Variants in KPNA6 observed in about 807,000 individuals in gnomAD.
The protein encoded by KPNA6 is importin subunit alpha-7.
A neutral mutation model predicts 72.0 loss-of-function variants in KPNA6; 9 were observed. The observed-to-expected ratio is 0.13, with a 90% CI of 0.08 to 0.22. KPNA6 has a LOEUF of 0.22. KPNA6 is among the 10% of genes least tolerant of loss of function. The pLI is 1.00. For missense variants in KPNA6, 374 were observed against 655.7 expected, an observed-to-expected ratio of 0.57 and a Z score of 4.69; for synonymous variants, 219 against 242.1, an observed-to-expected ratio of 0.90 and a Z score of 0.89.
Position 32,138,050 on chromosome 1 carries a change from G to A in KPNA6, c.5-16538G>A, listed in dbSNP as rs567779173. 3.3e-5 allele frequency among the ~76,000 whole-genome samples: 5 copies of A among 150,316 alleles called. No homozygotes were observed. In the South Asian group the frequency reaches 6.3e-4, roughly 19 times the overall value. On this transcript the variant is annotated intron_variant, in intron 1 of 13. Coordinates refer to ENST00000373625, the MANE Select transcript of KPNA6 (RefSeq NM_012316.5). ...CTTGGGAGGCTGAGGTAAGAGAATC[G>A]CATCAACCCGGGAGGCAGAGGTTGC... is the stretch of plus-strand genomic sequence containing the variant.
chr1:32,119,032 A>ATATATATATT (rs1167325052), intron 1 of KPNA6, among the ~76,000 whole-genome samples: 52 of 40,278 alleles, frequency 1.3e-3, no homozygotes, highest in Admixed American at 2.7e-3. Context: ...ATATATATAT[A>ATATATATATT]TTTTTTTTTT....
At chr1:32,130,930 C>A (rs1641625353) in intron 1 of KPNA6, among the ~76,000 whole-genome samples, 1 of 152,162 alleles carries the variant, frequency 6.6e-6, no homozygotes, top group African/African-American at 2.4e-5. Flanking sequence ...TGCCTCACAT[C>A]ATACACAAAA....
chr1:32,170,318 T>G (rs1642413165), intron 13 of KPNA6, among the ~76,000 whole-genome samples: 1 of 152,186 alleles, frequency 6.6e-6, no homozygotes, highest in African/African-American at 2.4e-5. Flanking sequence ...TTGGCTCATC[T>G]TTTGAGTTGA....
rs993455809 is a variant in KPNA6 at position 32,171,229 on chromosome 1, T to A, written c.*335T>A. ...AAGGTAATCAATTTGCACCTTTTTT[T>A]ATTTTTATTTTTTTTCTTTTTTTCT... On this transcript the variant is annotated 3_prime_UTR_variant, in exon 14 of 14. Coordinates refer to ENST00000373625, the MANE Select transcript of KPNA6 (RefSeq NM_012316.5). 8.8e-6 allele frequency: 2 copies of A among 228,342 alleles called. No individual in the cohort carries two copies. The highest frequency in any genetic ancestry group is 1.7e-5 in the Non-Finnish European group (2 of 116,240). The allele number at this position is 228,342 out of a possible 1,614,324, so 14.1% of individuals were successfully genotyped here.
chr1:32,118,992 G>GTATA (rs1641374977), intron 1 of KPNA6, among the ~76,000 whole-genome samples: 2 of 83,234 alleles, frequency 2.4e-5, no homozygotes, highest in African/African-American at 4.9e-5. Context: ...GTGTGTGTGT[G>GTATA]TATACATATA....
At chr1:32,140,839 T>A (rs77440453) in intron 1 of KPNA6, among the ~76,000 whole-genome samples, 1 of 152,212 alleles carries the variant, frequency 6.6e-6, no homozygotes, top group South Asian at 2.1e-4. Flanking sequence ...AAATAACTAA[T>A]AGGTAGACCA....
At position 32,116,696 on chromosome 1, in the gene KPNA6, C is replaced by T. The variant is rs145500050; in HGVS notation, c.4+8562C>T. 1.4e-4 allele frequency among the ~76,000 whole-genome samples: 21 copies of T among 152,222 alleles called. No homozygotes were observed. In the East Asian group the frequency reaches 3.1e-3, roughly 22 times the overall value. ...TTGCATTCACAGCTTTGCTAACTGG[C>T]GCAAGAGGCTTAGCTTTCACCATAT... is the stretch of plus-strand genomic sequence containing the variant. On this transcript the variant is annotated intron_variant, in intron 1 of 13. Transcript: ENST00000373625.
intron 11 of KPNA6, among the ~76,000 whole-genome samples, chr1:32,166,529 G>T (rs1440960219): frequency 1.3e-5 from 2 of 151,674 alleles, no homozygotes; most frequent in Non-Finnish European, 2.9e-5. Context: ...GGAGGCTGAG[G>T]CAGGAGAATT....
At chr1:32,124,032 CAA>C (rs771086945) in intron 1 of KPNA6, among the ~76,000 whole-genome samples, 6 of 43,128 alleles carry the variant, frequency 1.4e-4, no homozygotes, top group Non-Finnish European at 2.4e-4. Context: ...GACTCTGTCT[CAA>C]AAAAAAAAAA....
intron 1 of KPNA6, among the ~76,000 whole-genome samples, chr1:32,146,190 G>A (rs1037180230): frequency 6.6e-5 from 10 of 152,248 alleles, no homozygotes; most frequent in African/African-American, 1.9e-4. Flanking sequence ...ATTGAACGTG[G>A]TTCATTAAAA....
At chr1:32,128,665 TAG>T (rs1395530054) in intron 1 of KPNA6, among the ~76,000 whole-genome samples, 1 of 151,880 alleles carries the variant, frequency 6.6e-6, no homozygotes, top group East Asian at 1.9e-4. Flanking sequence ...AATTGTCCAG[TAG>T]AAGAAGAGCC....
At chr1:32,153,016 C>CAAAAA (rs766574019) in intron 1 of KPNA6, among the ~76,000 whole-genome samples, 17 of 34,874 alleles carry the variant, frequency 4.9e-4, no homozygotes, top group South Asian at 1.1e-3. Context: ...GACTCCATCT[C>CAAAAA]AAAAAAAAAA....
Position 32,174,453 on chromosome 1 carries a change from C to G in KPNA6, c.*3559C>G, listed in dbSNP as rs1642492986. 6.6e-6 allele frequency: 1 copy of G among 152,246 alleles called. No homozygotes were observed. Among genetic ancestry groups the G allele is most frequent in the African/African-American group, 2.4e-5 (1 of 41,460 alleles). 9.4% of individuals were successfully genotyped at this position (152,246 alleles called of 1,614,324 possible). On this transcript the variant is annotated 3_prime_UTR_variant, in exon 14 of 14. Transcript: ENST00000373625. ...TTTCTTCATGTCTACCTGCCTTCCC[C>G]CCACACCCTAAAGTTGTACTTGTTT...
intron 1 of KPNA6, among the ~76,000 whole-genome samples, chr1:32,130,436 A>G (rs926995140): frequency 6.6e-6 from 1 of 152,118 alleles, no homozygotes; most frequent in Non-Finnish European, 1.5e-5. Context: ...AGGAACTTGT[A>G]TACTGCAAGT....
chr1:32,169,451 C>CT (rs553772781), intron 12 of KPNA6, among the ~76,000 whole-genome samples: 14,436 of 139,872 alleles, frequency 0.1, 969 homozygotes, highest in South Asian at 0.25. Flanking sequence ...CTTTTCTTTT[C>CT]TTTTTTTTTT....
rs915571659 is a variant in KPNA6 at position 32,147,650 on chromosome 1, CTTTTTTT to C, written c.5-6917_5-6911del. Among the ~76,000 whole-genome samples, 294 of 81,858 alleles carry C rather than the reference CTTTTTTT, an allele frequency of 3.6e-3. 2 individuals are homozygous for C. Among genetic ancestry groups the C allele is most frequent in the African/African-American group, 0.013 (258 of 20,290 alleles). The allele number at this position is 81,858 out of a possible 152,430, so 53.7% of individuals were successfully genotyped here. A position where few individuals can be genotyped will look rare whatever the true frequency, so the allele number is the denominator to read the frequency against. On this transcript the variant is annotated intron_variant, in intron 1 of 13. Transcript: ENST00000373625. ...CCTTCTGACTTTCGTGATTTCTTTT[CTTTTTTT>C]TTTTTTTTTTTTTTTTTTTTGAGAC...
chr1:32,131,384 C>T (rs998640867), intron 1 of KPNA6, among the ~76,000 whole-genome samples: 1 of 152,058 alleles, frequency 6.6e-6, no homozygotes, highest in African/African-American at 2.4e-5. Flanking sequence ...CATGGTGGCT[C>T]ATGCCTGTAA....
In KPNA6 at chr1:32,170,003, G is replaced by T. The variant is rs1163113362; in HGVS notation, c.1366G>T (p.Gly456Cys). The change falls in exon 13 of 14, where the codon GGC becomes TGC. Residue 456 changes from glycine to cysteine, a missense_variant. Physicochemically the swap from Gly to Cys is radical, Grantham distance 159 (BLOSUM62 -3). Around this residue, in one of 3 missense-constraint regions of KPNA6, gnomAD observed 34 missense variants for 110.5 expected, o/e 0.31. Transcript: ENST00000373625. ...CATCCTGCGGCTTGGAGAGCAAGAG[G>T]GCAAGCGCAGTGGCTCAGGGGTCAA... The part of the protein sequence containing the change: ...ENILRLGEQE[G>C]KRSGSGVNPY... 1 of 1,614,128 alleles carries T rather than the reference G, an allele frequency of 6.2e-7. No individual in the cohort carries two copies. Among genetic ancestry groups the T allele is most frequent in the Non-Finnish European group, 8.5e-7 (1 of 1,180,020 alleles).
intron 1 of KPNA6, 142 bp downstream of exon 1, chr1:32,108,276 GC>G: frequency 8.2e-7 from 1 of 1,222,770 alleles, no homozygotes; most frequent in East Asian, 2.4e-5. Flanking sequence ...GGCCGGGAGT[GC>G]CCCTCTTGCC....
Sources: allele counts gnomAD v4.1 joint callset (sites outside exome capture counted in the v4.1 genomes callset), GRCh38; gene constraint gnomAD v4.1.1; regional missense constraint gnomAD v4.1.1; transcripts MANE v1.5; gene names NCBI Gene and HGNC (gene_info 2026-07-23, HGNC 2026-07-21).